ST3GAL6: variants seen among roughly 807,000 people sequenced by gnomAD.
The protein encoded by ST3GAL6 is type 2 lactosamine alpha-2,3-sialyltransferase.
A neutral mutation model predicts 40.5 loss-of-function variants in ST3GAL6; 31 were observed. That is an observed-to-expected ratio of 0.77 (90% confidence interval 0.58 to 1.03). The LOEUF (loss-of-function observed/expected upper bound fraction) is 1.03. Among genes scored for constraint, ST3GAL6 ranks in the 50% least tolerant of loss-of-function variants. The pLI is 0.00. For missense variants in ST3GAL6, 357 were observed against 393.2 expected, an observed-to-expected ratio of 0.91 and a Z score of 0.78; for synonymous variants, 129 against 136.9, an observed-to-expected ratio of 0.94 and a Z score of 0.40.
chr3:98,733,236 G>A (rs569672217), intron 1 of ST3GAL6: 1 of 969,582 alleles, frequency 1.0e-6, no homozygotes, highest in African/African-American at 1.8e-5. Flanking sequence ...CAGCCGGCGT[G>A]CGCCGCAGCC....
chr3:98,746,447 T>G (rs1936558990), intron 1 of ST3GAL6, among the ~76,000 whole-genome samples: 1 of 152,150 alleles, frequency 6.6e-6, no homozygotes. Flanking sequence ...CGTACACTTC[T>G]GTAGAAGATA....
chr3:98,742,694 CTTTT>C (rs11326863), intron 1 of ST3GAL6, among the ~76,000 whole-genome samples: 1 of 142,490 alleles, frequency 7.0e-6, no homozygotes, highest in African/African-American at 2.6e-5. Flanking sequence ...TTCTTTCTTT[CTTTT>C]TTTTTTTTTT....
chr3:98,758,145 T>C (rs1937537437), intron 1 of ST3GAL6, among the ~76,000 whole-genome samples: 1 of 152,188 alleles, frequency 6.6e-6, no homozygotes, highest in Admixed American at 6.5e-5. Context: ...GGTCCTAATT[T>C]TAACTTTTTA....
intron 5 of ST3GAL6, among the ~76,000 whole-genome samples, chr3:98,777,523 G>C (rs934094920): frequency 6.6e-6 from 1 of 152,218 alleles, no homozygotes; most frequent in Non-Finnish European, 1.5e-5. Context: ...GGAAAATGTA[G>C]TTTGTATTCC....
chr3:98,733,924 C>G (rs1272204500), intron 1 of ST3GAL6, among the ~76,000 whole-genome samples: 1 of 152,128 alleles, frequency 6.6e-6, no homozygotes, highest in African/African-American at 2.4e-5. Flanking sequence ...GCTAGTGTAT[C>G]AGAAATCACA....
intron 9 of ST3GAL6, among the ~76,000 whole-genome samples, chr3:98,793,277 A>G (rs1393045846): frequency 6.6e-6 from 1 of 152,252 alleles, no homozygotes; most frequent in African/African-American, 2.4e-5. Flanking sequence ...TTTTTAACAC[A>G]TCTTAAACTG....
At chr3:98,751,967 G>T (rs767824208) in intron 1 of ST3GAL6, among the ~76,000 whole-genome samples, 5 of 152,112 alleles carry the variant, frequency 3.3e-5, no homozygotes, top group Non-Finnish European at 7.4e-5. Context: ...AATGGCCTAT[G>T]AAATAAAATA....
At chr3:98,756,991 C>T (rs951904476) in intron 1 of ST3GAL6, among the ~76,000 whole-genome samples, 1 of 152,122 alleles carries the variant, frequency 6.6e-6, no homozygotes, top group South Asian at 2.1e-4. Context: ...TCTTTAAGTG[C>T]AACAATTAAT....
chr3:98,779,707 C>G (rs1264259952), intron 5 of ST3GAL6, among the ~76,000 whole-genome samples: 1 of 152,212 alleles, frequency 6.6e-6, no homozygotes, highest in Non-Finnish European at 1.5e-5. Context: ...AGCAGCTTTC[C>G]AGATTTCCAT....
chr3:98,784,894 T>C, intron 5 of ST3GAL6, 51 bp from the exon 6 acceptor site: 1 of 1,454,598 alleles, frequency 6.9e-7, no homozygotes, highest in African/African-American at 1.4e-5. Context: ...ATTCTTGGAA[T>C]CAGTTTTGTA....
In ST3GAL6 at chr3:98,756,634, T is replaced by C. The variant is rs536273473; in HGVS notation, c.-11-11796T>C. On this transcript the variant is annotated intron_variant, in intron 1 of 9. Coordinates refer to the ST3GAL6 transcript ENST00000265261. ...TATACAATGCTTCTCTTGTGGGTGA[T>C]GTTAAAATCCCCTCTTCTATGAATA... The C allele has an allele frequency of 1.2e-4, 127 of 1,039,358 alleles. 1 individual carries two copies. In the South Asian group the frequency reaches 1.7e-3, roughly 14 times the overall value. 64.4% of individuals were successfully genotyped at this position (1,039,358 alleles called of 1,614,324 possible).
chr3:98,751,044 CT>C (rs5851136), intron 1 of ST3GAL6, among the ~76,000 whole-genome samples: 62,205 of 142,332 alleles, frequency 0.44, 13,160 homozygotes, highest in South Asian at 0.54. Flanking sequence ...ACTAAATAAT[CT>C]TTTTTTTTTT....
intron 3 of ST3GAL6, 166 bp downstream of exon 3, chr3:98,771,122 C>T (rs1223339290): frequency 6.6e-7 from 1 of 1,513,322 alleles, no homozygotes; most frequent in South Asian, 1.2e-5. Flanking sequence ...TGCTTTTAGT[C>T]AGAGCTCTGC....
intron 8 of ST3GAL6, among the ~76,000 whole-genome samples, chr3:98,790,409 G>A (rs1473768815): frequency 2.0e-5 from 3 of 152,112 alleles, no homozygotes; most frequent in Non-Finnish European, 4.4e-5. Context: ...TTGGAGTTGG[G>A]ATGATGAAGC....
chr3:98,756,547 A>G, intron 1 of ST3GAL6: 1 of 1,246,844 alleles, frequency 8.0e-7, no homozygotes, highest in South Asian at 1.3e-5. Context: ...GCAGGTAAGC[A>G]AAGGCAACAC....
chr3:98,790,869 T>C lies in ST3GAL6; in HGVS notation c.757-972T>C, dbSNP rs577189353. ...GAGAAGGAAAAAGCAATGGGATCAA[T>C]GAGGCTGAATGACTCCTAGGTTACA... is the stretch of plus-strand genomic sequence containing the variant. On this transcript the variant is annotated intron_variant, in intron 8 of 9. Transcript: ENST00000483910. Among the ~76,000 whole-genome samples the C allele has an allele frequency of 1.6e-4, 24 of 152,226 alleles. 1 individual carries two copies. Among genetic ancestry groups the C allele is most frequent in the Non-Finnish European group, 4.4e-5 (3 of 68,006 alleles).
chr3:98,749,270 C>G (rs1160468380), intron 1 of ST3GAL6, among the ~76,000 whole-genome samples: 1 of 152,118 alleles, frequency 6.6e-6, no homozygotes, highest in Non-Finnish European at 1.5e-5. Flanking sequence ...ATAAAAAAAT[C>G]TATCATATGT....
rs373583651 is a variant in ST3GAL6 at position 98,791,944 on chromosome 3, A to G, written c.860A>G (p.Lys287Arg). 8 of 1,613,956 alleles carry G rather than the reference A, an allele frequency of 5.0e-6. No individual in the cohort carries two copies. The African/African-American group carries it at 6.7e-5, about 13-fold the overall frequency. Residue 287 changes from lysine to arginine, a missense_variant, in exon 9 of 10, where the codon AAG becomes AGG. By Grantham distance (26) the Lys-to-Arg change is conservative (BLOSUM62 2). Coordinates refer to ENST00000483910, the MANE Select transcript of ST3GAL6 (RefSeq NM_001323368.2). Reference protein sequence around the residue: ...AGFKYNFSDLKSPLHYYGNAT... With the variant: ...AGFKYNFSDLRSPLHYYGNAT... The stretch of plus-strand genomic sequence containing the variant: ...TTTAAATACAACTTTTCTGACCTCA[A>G]GAGTCCTTTGCACTACTATGGGAAT...
intron 1 of ST3GAL6, among the ~76,000 whole-genome samples, chr3:98,734,485 G>C (rs1420108941): frequency 6.6e-6 from 1 of 152,100 alleles, no homozygotes; most frequent in East Asian, 1.9e-4. Flanking sequence ...CTGTTCTTGT[G>C]GTCATGTAGA....
Sources: gnomAD v4.1 joint callset for allele counts (sites outside exome capture counted in the v4.1 genomes callset) on GRCh38, gnomAD v4.1.1 for gene constraint, MANE v1.5 for transcripts, NCBI Gene and HGNC (gene_info 2026-07-23, HGNC 2026-07-21) for gene names.